Variants in GRID2 observed in about 807,000 individuals in gnomAD.
The protein encoded by GRID2 is glutamate receptor ionotropic, delta-2.
A neutral mutation model predicts 114.8 loss-of-function variants in GRID2; 33 were observed. The ratio of observed to expected loss-of-function variants is 0.29; its 90% CI spans 0.22 to 0.38. The LOEUF is 0.38. GRID2 is among the 10% of genes least tolerant of loss of function. The probability of loss-of-function intolerance (pLI) is 1.00; values close to 1 mark genes in which losing one functional copy is unlikely to be tolerated. For missense variants in GRID2, 1,184 were observed against 1,257.7 expected (o/e 0.94, Z 0.89); for synonymous variants, 505 against 449.9 (o/e 1.12, Z -1.55).
At chr4:92,774,832 G>A (rs1738713720) in intron 2 of GRID2, among the ~76,000 whole-genome samples, 1 of 151,940 alleles carries the variant, frequency 6.6e-6, no homozygotes, top group African/African-American at 2.4e-5. Flanking sequence ...CTGGGCTCAA[G>A]CAATCCTCTC....
intron 1 of GRID2, among the ~76,000 whole-genome samples, chr4:92,426,061 G>A (rs1045080018): frequency 1.3e-5 from 2 of 151,974 alleles, no homozygotes; most frequent in African/African-American, 4.8e-5. Context: ...TGTATGCATA[G>A]TACAATGCAA....
chr4:93,339,923 A>G (rs1759476721), intron 8 of GRID2, among the ~76,000 whole-genome samples: 3 of 152,250 alleles, frequency 2.0e-5, no homozygotes, highest in Non-Finnish European at 1.5e-5. Context: ...CTCACTCACT[A>G]TCACAAGAAG....
intron 1 of GRID2, among the ~76,000 whole-genome samples, chr4:93,788,927 T>C (rs545626709): frequency 4.6e-5 from 7 of 152,332 alleles, no homozygotes; most frequent in African/African-American, 1.7e-4. Context: ...CAGTCCTACC[T>C]CTTGAGGAGT....
chr4:93,538,004 A>G (rs1208056810), intron 13 of GRID2, among the ~76,000 whole-genome samples: 1 of 151,788 alleles, frequency 6.6e-6, no homozygotes, highest in African/African-American at 2.4e-5. Flanking sequence ...ACGTGAAACT[A>G]TACAAATAAA....
chr4:93,230,718 TTGTTCA>T (rs147861152), intron 7 of GRID2, among the ~76,000 whole-genome samples: 3,120 of 152,220 alleles, frequency 0.02, 104 homozygotes, highest in African/African-American at 0.072. Context: ...ACCATTTTTC[TTGTTCA>T]TGGCAATCAT....
Position 92,819,755 on chromosome 4 carries a change from A to G in GRID2, c.244+229469A>G, listed in dbSNP as rs544792982. On this transcript the variant is annotated intron_variant, in intron 2 of 15. Coordinates refer to ENST00000282020, the MANE Select transcript of GRID2 (RefSeq NM_001510.4). The stretch of plus-strand genomic sequence containing the variant: ...AATTAGAGATATATTTTTTGCTCAG[A>G]TGCTTAAAATATTTTTTTTCTTTTC... Among the ~76,000 whole-genome samples, 3 of 152,274 alleles carry G rather than the reference A, an allele frequency of 2.0e-5. No individual in the cohort carries two copies. In the South Asian group the frequency reaches 6.2e-4, roughly 32 times the overall value.
rs762381354 is a variant in GRID2, at chr4:93,490,671, C to A, written c.1891C>A (p.Arg631=). The A allele has an allele frequency of 5.0e-6, 8 of 1,610,604 alleles. No homozygotes were observed. In the East Asian group the frequency reaches 8.9e-5, roughly 18 times the overall value. ...GEVPYTTLAT[R]MMMGAWWLFA... ...AGTCCCGTACACGACTCTGGCTACC[C>A]GAATGATGATGGGGGCTTGGTGGCT... Residue 631 remains arginine, a synonymous_variant, in exon 12 of 16, where the codon CGA becomes AGA. Transcript: ENST00000282020.
rs146820384 is a variant in GRID2, at chr4:93,317,095, T to A, written c.1246-78512T>A. On this transcript the variant is annotated intron_variant, in intron 8 of 15. Transcript: ENST00000282020. ...TTCTAATTTTTGATGTAATATTTTT[T>A]AATTACCGAATGTGGGCTTTTTATA... Among the ~76,000 whole-genome samples, 871 of 152,220 alleles carry A rather than the reference T, an allele frequency of 5.7e-3. 8 individuals carry two copies. The highest frequency in any genetic ancestry group is 0.019 in the African/African-American group (793 of 41,544).
chr4:93,209,924 C>T (rs1486866814), intron 5 of GRID2, among the ~76,000 whole-genome samples: 1 of 151,884 alleles, frequency 6.6e-6, no homozygotes, highest in Non-Finnish European at 1.5e-5. Context: ...TGTTGATGTC[C>T]TTTGCCCACT....
intron 2 of GRID2, among the ~76,000 whole-genome samples, chr4:92,731,656 G>A (rs532852010): frequency 6.6e-6 from 1 of 152,020 alleles, no homozygotes; most frequent in Non-Finnish European, 1.5e-5. Flanking sequence ...TAAAGAGGGT[G>A]AATTTGGGTA....
intron 14 of GRID2, among the ~76,000 whole-genome samples, chr4:93,686,159 A>G (rs1266568089): frequency 6.6e-6 from 1 of 151,864 alleles, no homozygotes; most frequent in African/African-American, 2.4e-5. Flanking sequence ...TCTCTTTCTT[A>G]GTTCACCGAA....
chr4:93,729,431 A>G (rs1326995022), intron 14 of GRID2, among the ~76,000 whole-genome samples: 1 of 152,036 alleles, frequency 6.6e-6, no homozygotes, highest in Non-Finnish European at 1.5e-5. Flanking sequence ...CTATACTCCA[A>G]CAGTGTCGTA....
chr4:93,301,523 C>T (rs532754314), intron 8 of GRID2, among the ~76,000 whole-genome samples: 1 of 152,102 alleles, frequency 6.6e-6, no homozygotes, highest in South Asian at 2.1e-4. Context: ...GGAATCATTT[C>T]TACACTAAAG....
chr4:92,672,749 G>A (rs1399096041), intron 2 of GRID2, among the ~76,000 whole-genome samples: 1 of 151,992 alleles, frequency 6.6e-6, no homozygotes, highest in East Asian at 1.9e-4. Context: ...TTTATAATAT[G>A]ATACATTGAT....
chr4:93,140,375 G>A (rs963871330), intron 4 of GRID2, among the ~76,000 whole-genome samples: 1 of 152,000 alleles, frequency 6.6e-6, no homozygotes, highest in Non-Finnish European at 1.5e-5. Flanking sequence ...AGCCCGGATG[G>A]TCTCTTTCTC....
At chr4:93,334,443 A>G (rs1410756263) in intron 8 of GRID2, among the ~76,000 whole-genome samples, 4 of 152,228 alleles carry the variant, frequency 2.6e-5, no homozygotes, top group Admixed American at 2.6e-4. Context: ...TTAGACCTCT[A>G]GGACAATTTA....
intron 4 of GRID2, among the ~76,000 whole-genome samples, chr4:93,160,788 C>T (rs1737620584): frequency 1.3e-5 from 2 of 151,630 alleles, no homozygotes; most frequent in African/African-American, 4.8e-5. Flanking sequence ...GGATCATAAG[C>T]CAGTAGTATC....
At position 92,365,485 on chromosome 4, in the gene GRID2, CTGGTGGTGGTGG is replaced by C. The variant is rs751222998; in HGVS notation, c.88+60756_88+60767del. 7.3e-5 allele frequency among the ~76,000 whole-genome samples: 11 copies of C among 150,972 alleles called. No homozygotes were observed. In the South Asian group the frequency reaches 1.5e-3, roughly 20 times the overall value. On this transcript the variant is annotated intron_variant, in intron 1 of 15. Transcript: ENST00000282020. ...GAGAGTTAACAGAGACTGGGTGGTG[CTGGTGGTGGTGG>C]TGGTGGTGGTGGTGAGGGAATGGAA...
chr4:93,036,073 C>T (rs549063104), intron 2 of GRID2, among the ~76,000 whole-genome samples: 10 of 152,080 alleles, frequency 6.6e-5, no homozygotes, highest in Admixed American at 5.2e-4. Flanking sequence ...TTGCTGGAGA[C>T]GTCTCACCTC....
Sources: gnomAD v4.1 joint callset for allele counts (sites outside exome capture counted in the v4.1 genomes callset) on GRCh38, gnomAD v4.1.1 for gene constraint, MANE v1.5 for transcripts, NCBI Gene and HGNC (gene_info 2026-07-23, HGNC 2026-07-21) for gene names.